Variants in TAFA5 observed in about 807,000 individuals in gnomAD.
The protein encoded by TAFA5 is TAFA chemokine like family member 5.
In TAFA5, 6 loss-of-function variants were observed where a neutral mutation model predicts 15.3. The ratio of observed to expected loss-of-function variants is 0.39; its 90% CI spans 0.21 to 0.77. The LOEUF is 0.77. Among genes scored for constraint, TAFA5 ranks in the 30% least tolerant of loss-of-function variants. The pLI is 0.41. For missense variants in TAFA5, 161 were observed against 193.1 expected (o/e 0.83, Z 0.98); for synonymous variants, 103 against 80.7 (o/e 1.28, Z -1.48).
chr22:48,660,639 G>T (rs1258584599), intron 2 of TAFA5, among the ~76,000 whole-genome samples: 1 of 152,246 alleles, frequency 6.6e-6, no homozygotes, highest in African/African-American at 2.4e-5. Context: ...ATTCATCTCA[G>T]CACCTCGTGG....
intron 1 of TAFA5, among the ~76,000 whole-genome samples, chr22:48,633,084 G>T (rs534900787): frequency 1.3e-5 from 2 of 152,252 alleles, no homozygotes; most frequent in East Asian, 3.9e-4. Context: ...AATTCCCAGG[G>T]GCTCCCAGGG....
chr22:48,697,406 T>C (rs1928748552), intron 2 of TAFA5, among the ~76,000 whole-genome samples: 2 of 151,872 alleles, frequency 1.3e-5, no homozygotes, highest in Admixed American at 6.6e-5. Context: ...ATTAGGGTGA[T>C]GGTGATGATG....
intron 1 of TAFA5, among the ~76,000 whole-genome samples, chr22:48,623,033 A>G (rs1242687672): frequency 6.6e-6 from 1 of 152,166 alleles, no homozygotes; most frequent in Non-Finnish European, 1.5e-5. Context: ...GGCCCTCTCC[A>G]TCTCTCTGTA....
At chr22:48,596,036 A>G (rs1489746560) in intron 1 of TAFA5, among the ~76,000 whole-genome samples, 1 of 152,268 alleles carries the variant, frequency 6.6e-6, no homozygotes, top group Non-Finnish European at 1.5e-5. Context: ...AGCATGTTCC[A>G]AAGCTTTTGA....
intron 1 of TAFA5, among the ~76,000 whole-genome samples, chr22:48,555,410 G>A (rs1036463041): frequency 7.2e-5 from 11 of 152,230 alleles, no homozygotes; most frequent in South Asian, 2.1e-4. Context: ...AGGGATTTCC[G>A]GGGAGGGCGG....
At chr22:48,493,696 A>T (rs1032647124) in intron 1 of TAFA5, among the ~76,000 whole-genome samples, 18 of 152,206 alleles carry the variant, frequency 1.2e-4, no homozygotes, top group Non-Finnish European at 5.9e-5. Flanking sequence ...ATAAATATAA[A>T]TTATCTGTCT....
At chr22:48,516,338 C>A (rs534559101) in intron 1 of TAFA5, among the ~76,000 whole-genome samples, 1 of 152,114 alleles carries the variant, frequency 6.6e-6, no homozygotes, top group African/African-American at 2.4e-5. Context: ...CAATCCACCC[C>A]CTTTGTGCCA....
chr22:48,609,363 C>T (rs1373246313), intron 1 of TAFA5, among the ~76,000 whole-genome samples: 2 of 152,142 alleles, frequency 1.3e-5, no homozygotes, highest in African/African-American at 4.8e-5. Context: ...TAGTCCGAGA[C>T]CTGTGGCATC....
At chr22:48,534,414 C>T (rs992290143) in intron 1 of TAFA5, among the ~76,000 whole-genome samples, 2 of 152,042 alleles carry the variant, frequency 1.3e-5, no homozygotes, top group African/African-American at 4.8e-5. Flanking sequence ...AGGACTCCCA[C>T]GGGGGTAACC....
chr22:48,512,922 C>CA (rs754722482), intron 1 of TAFA5, among the ~76,000 whole-genome samples: 46 of 88,752 alleles, frequency 5.2e-4, no homozygotes, highest in Admixed American at 1.4e-3. Flanking sequence ...GACTCTGTCT[C>CA]AAAAAAAAAA....
chr22:48,690,410 C>G (rs983536310), intron 2 of TAFA5, among the ~76,000 whole-genome samples: 16 of 152,032 alleles, frequency 1.1e-4, no homozygotes, highest in African/African-American at 3.4e-4. Flanking sequence ...GCCACACAGC[C>G]GTACCAGGGC....
chr22:48,618,154 G>A (rs1243642194), intron 1 of TAFA5, among the ~76,000 whole-genome samples: 2 of 152,122 alleles, frequency 1.3e-5, no homozygotes, highest in African/African-American at 4.8e-5. Context: ...GGGTGCAGTC[G>A]AGCCTGGCCA....
intron 2 of TAFA5, among the ~76,000 whole-genome samples, chr22:48,667,793 AG>A (rs1927671003): frequency 1.6e-4 from 2 of 12,534 alleles, no homozygotes; most frequent in Non-Finnish European, 2.5e-4. Context: ...CCCAGCACTC[AG>A]GACCGCGTCT....
intron 1 of TAFA5, among the ~76,000 whole-genome samples, chr22:48,625,125 AAAG>A (rs1296767895): frequency 6.6e-6 from 1 of 151,688 alleles, no homozygotes; most frequent in African/African-American, 2.4e-5. Context: ...GAAAAAAAAA[AAAG>A]AGAGAGAGAG....
intron 1 of TAFA5, among the ~76,000 whole-genome samples, chr22:48,610,645 C>T (rs59674167): frequency 0.15 from 23,089 of 150,506 alleles, 2,186 homozygotes; most frequent in South Asian, 0.29. Flanking sequence ...TGGAGGGCTT[C>T]GGGCCGTGTT....
chr22:48,650,200 T>G (rs1233246354), intron 2 of TAFA5, among the ~76,000 whole-genome samples: 1 of 152,238 alleles, frequency 6.6e-6, no homozygotes, highest in African/African-American at 2.4e-5. Flanking sequence ...TGAGTAGGGT[T>G]GAAATCGGGG....
At chr22:48,585,692 G>A (rs942496974) in intron 1 of TAFA5, among the ~76,000 whole-genome samples, 6 of 148,808 alleles carry the variant, frequency 4.0e-5, no homozygotes, top group South Asian at 2.1e-4. Flanking sequence ...CATACACAAC[G>A]TATACACAGA....
chr22:48,491,521 G>A (rs939814376), intron 1 of TAFA5, among the ~76,000 whole-genome samples: 1 of 152,214 alleles, frequency 6.6e-6, no homozygotes, highest in Non-Finnish European at 1.5e-5. Flanking sequence ...ACCCCCAGCA[G>A]CTCAGCAGGT....
rs1197219539 is a variant in TAFA5, at chr22:48,655,830, C to CTTTTT, written c.262+9107_262+9111dup. 1.2e-3 allele frequency among the ~76,000 whole-genome samples: 75 copies of CTTTTT among 62,402 alleles called. 13 individuals are homozygous for CTTTTT. Among genetic ancestry groups the CTTTTT allele is most frequent in the African/African-American group, 4.7e-3 (64 of 13,544 alleles). 40.9% of individuals were successfully genotyped at this position (62,402 alleles called of 152,430 possible). On this transcript the variant is annotated intron_variant, in intron 2 of 3. Coordinates refer to ENST00000402357, the MANE Select transcript of TAFA5 (RefSeq NM_001082967.3). ...GGCTTCCTGAAGCCAAACACTGATT[C>CTTTTT]TTTTTTTTTTTTTTTTTTTTTTTTT...
Sources: gnomAD v4.1 joint callset for allele counts (sites outside exome capture counted in the v4.1 genomes callset) on GRCh38, gnomAD v4.1.1 for gene constraint, MANE v1.5 for transcripts, NCBI Gene and HGNC (gene_info 2026-07-23, HGNC 2026-07-21) for gene names.